The following TTLL5 variants were observed in gnomAD, a reference collection of about 807,000 sequenced individuals.
TTLL5 encodes the protein tubulin polyglutamylase TTLL5.
TTLL5 carries 132 observed loss-of-function variants against 168.4 expected under a neutral mutation model. The ratio of observed to expected loss-of-function variants is 0.78; its 90% CI spans 0.68 to 0.91. The LOEUF is 0.91. TTLL5 is among the 40% of genes least tolerant of loss of function. The probability of loss-of-function intolerance (pLI) is 0.00; values close to 1 mark genes in which losing one functional copy is unlikely to be tolerated. For synonymous variants in TTLL5, 546 were observed against 558.6 expected, an observed-to-expected ratio of 0.98 and a Z score of 0.32; for missense variants, 1,545 against 1,581.5, an observed-to-expected ratio of 0.98 and a Z score of 0.39.
At chr14:75,780,738 A>T (rs1375566511) in intron 24 of TTLL5, among the ~76,000 whole-genome samples, 1 of 152,254 alleles carries the variant, frequency 6.6e-6, no homozygotes, top group Admixed American at 6.5e-5. Flanking sequence ...GATTTGGTTC[A>T]TAGGCCAATC....
chr14:75,905,116 A>T (rs116366997), intron 31 of TTLL5, among the ~76,000 whole-genome samples: 1,675 of 152,330 alleles, frequency 0.011, 24 homozygotes, highest in African/African-American at 0.034. Context: ...AACCCACAAG[A>T]AAGAAGAACA....
At chr14:75,765,936 T>C in intron 19 of TTLL5, 126 bp from the exon 20 acceptor site, 1 of 705,554 alleles carries the variant, frequency 1.4e-6, no homozygotes, top group Non-Finnish European at 2.3e-6. Context: ...TGGGTGCTAT[T>C]AATTCTGTGC....
intron 9 of TTLL5, chr14:75,709,472 C>T: frequency 2.5e-6 from 1 of 394,162 alleles, no homozygotes; most frequent in Non-Finnish European, 4.7e-6. Context: ...GCCCTGGGAA[C>T]ATTGGAGACT....
At chr14:75,849,932 C>T (rs929167634) in intron 28 of TTLL5, among the ~76,000 whole-genome samples, 2 of 152,038 alleles carry the variant, frequency 1.3e-5, no homozygotes, top group Non-Finnish European at 2.9e-5. Flanking sequence ...TGAGACCATC[C>T]TGTCTCTAAC....
intron 28 of TTLL5, among the ~76,000 whole-genome samples, chr14:75,860,998 A>G (rs2029934260): frequency 6.6e-6 from 1 of 152,154 alleles, no homozygotes. Context: ...ATGTTTCTCC[A>G]TACGTCTAGA....
At chr14:75,749,664 C>G (rs898504263) in intron 17 of TTLL5, among the ~76,000 whole-genome samples, 1 of 152,020 alleles carries the variant, frequency 6.6e-6, no homozygotes, top group Non-Finnish European at 1.5e-5. Flanking sequence ...TCCTAAATTA[C>G]CAATCACATT....
At chr14:75,832,964 G>C (rs139597578) in intron 28 of TTLL5, among the ~76,000 whole-genome samples, 72 of 152,212 alleles carry the variant, frequency 4.7e-4, no homozygotes, top group Admixed American at 5.9e-4. Flanking sequence ...AGGGCAGCAG[G>C]CTTGTCCATC....
Position 75,904,442 on chromosome 14 carries a change from C to T in TTLL5, c.3823+2218C>T, listed in dbSNP as rs374023425. Reference sequence around the variant, plus strand: ...GAGTTCCCTGACTATACTTCATTTGCGTGTCTGATTGATAAATTAAGTGTT... The same window carrying T: ...GAGTTCCCTGACTATACTTCATTTGTGTGTCTGATTGATAAATTAAGTGTT... On this transcript the variant is annotated intron_variant, in intron 31 of 31. Coordinates refer to ENST00000298832, the MANE Select transcript of TTLL5 (RefSeq NM_015072.5). Among the ~76,000 whole-genome samples, 89 of 152,166 alleles carry T rather than the reference C, an allele frequency of 5.8e-4. No individual in the cohort carries two copies. The South Asian group carries it at 0.01, about 18-fold the overall frequency.
intron 28 of TTLL5, among the ~76,000 whole-genome samples, chr14:75,859,507 C>G (rs1897301291): frequency 1.3e-5 from 2 of 152,158 alleles, no homozygotes; most frequent in South Asian, 4.1e-4. Context: ...CTTCCCACAG[C>G]TAATTCTCTT....
At chr14:75,813,972 G>A (rs1416847763) in intron 27 of TTLL5, among the ~76,000 whole-genome samples, 1 of 152,092 alleles carries the variant, frequency 6.6e-6, no homozygotes, top group Non-Finnish European at 1.5e-5. Context: ...AAGCCAACTG[G>A]CCCAATGGCT....
intron 31 of TTLL5, among the ~76,000 whole-genome samples, chr14:75,912,942 G>A (rs966361171): frequency 5.3e-5 from 8 of 152,150 alleles, no homozygotes; most frequent in African/African-American, 1.2e-4. Context: ...GTTTCCTTGT[G>A]GTCTTCGTAA....
At chr14:75,859,605 G>A (rs996383466) in intron 28 of TTLL5, among the ~76,000 whole-genome samples, 2 of 152,100 alleles carry the variant, frequency 1.3e-5, no homozygotes, top group African/African-American at 4.8e-5. Flanking sequence ...TTAGCATTGA[G>A]CAAGGAAAAA....
chr14:75,922,001 G>T (rs921898449), intron 31 of TTLL5, among the ~76,000 whole-genome samples: 16 of 152,330 alleles, frequency 1.1e-4, no homozygotes, highest in Admixed American at 1.0e-3. Context: ...GTGAATGGGA[G>T]TTCGCTCATG....
At position 75,882,831 on chromosome 14, in the gene TTLL5, C is replaced by T. The variant is rs1461612327; in HGVS notation, c.3669C>T (p.Ala1223=). The change falls in exon 30 of 32, where the codon GCC becomes GCT. Residue 1223 remains alanine, a synonymous_variant. Coordinates refer to ENST00000298832, the MANE Select transcript of TTLL5 (RefSeq NM_015072.5). ...QKVVPPPSSC[A]SLVPKPPPNH... ...TGGTACCACCTCCAAGTTCTTGCGC[C>T]TCCCTGGTTCCCAAACCCCCACCCA... The T allele has an allele frequency of 5.0e-6, 8 of 1,614,170 alleles. No individual in the cohort carries two copies. The highest frequency in any genetic ancestry group is 6.8e-6 in the Non-Finnish European group (8 of 1,180,032).
intron 24 of TTLL5, among the ~76,000 whole-genome samples, chr14:75,781,491 GT>G (rs1263649822): frequency 6.6e-6 from 1 of 152,094 alleles, no homozygotes; most frequent in East Asian, 1.9e-4. Flanking sequence ...CCTTTCTTAA[GT>G]TTTTGTATGA....
intron 29 of TTLL5, among the ~76,000 whole-genome samples, chr14:75,872,359 T>A (rs1247733748): frequency 6.6e-6 from 1 of 152,246 alleles, no homozygotes; most frequent in Admixed American, 6.5e-5. Context: ...GCTTTAGATA[T>A]GTTTGCTTTA....
chr14:75,891,956 C>T (rs1298859418), intron 30 of TTLL5, among the ~76,000 whole-genome samples: 1 of 152,144 alleles, frequency 6.6e-6, no homozygotes, highest in Non-Finnish European at 1.5e-5. Context: ...TGCTGGTCAG[C>T]GTAGTTGTAT....
chr14:75,804,649 C>G (rs1415789716), intron 27 of TTLL5, among the ~76,000 whole-genome samples: 1 of 152,154 alleles, frequency 6.6e-6, no homozygotes, highest in East Asian at 1.9e-4. Context: ...AGTTGTTGTT[C>G]TTTTTACCAT....
chr14:75,726,731 G>C (rs1363882021), intron 12 of TTLL5, among the ~76,000 whole-genome samples: 1 of 152,120 alleles, frequency 6.6e-6, no homozygotes, highest in African/African-American at 2.4e-5. Flanking sequence ...TGCATAGAAT[G>C]GGGGAATAGA....
Sources: gnomAD v4.1 joint callset for allele counts (sites outside exome capture counted in the v4.1 genomes callset) on GRCh38, gnomAD v4.1.1 for gene constraint, MANE v1.5 for transcripts, NCBI Gene and HGNC (gene_info 2026-07-23, HGNC 2026-07-21) for gene names.